The following MGMT variants were observed in gnomAD, a reference collection of about 807,000 sequenced individuals.
The protein encoded by MGMT is methylated-DNA--protein-cysteine methyltransferase.
MGMT carries 14 observed loss-of-function variants against 15.9 expected under a neutral mutation model. The observed-to-expected ratio is 0.88, with a 90% CI of 0.58 to 1.37. The LOEUF (loss-of-function observed/expected upper bound fraction) is 1.37, where lower values mean the gene tolerates loss of function less well. MGMT is among the 40% of genes most tolerant of loss of function. The pLI is 0.00. For synonymous variants in MGMT, 130 were observed against 118.2 expected (o/e 1.10, Z -0.65); for missense variants, 282 against 268.1 (o/e 1.05, Z -0.36).
chr10:129,740,473 A>G (rs1364417518), intron 3 of MGMT, among the ~76,000 whole-genome samples: 1 of 152,204 alleles, frequency 6.6e-6, no homozygotes, highest in Non-Finnish European at 1.5e-5. Context: ...CGGGAGAGTC[A>G]AGGGATAGAA....
chr10:129,605,578 T>A (rs758830814), intron 2 of MGMT, among the ~76,000 whole-genome samples: 3 of 151,232 alleles, frequency 2.0e-5, no homozygotes, highest in Non-Finnish European at 4.4e-5. Flanking sequence ...GGATCATATT[T>A]AAAAAAAAAC....
intron 1 of MGMT, among the ~76,000 whole-genome samples, chr10:129,468,159 G>C (rs754566373): frequency 1.1e-4 from 17 of 152,184 alleles, no homozygotes; most frequent in Non-Finnish European, 2.1e-4. Flanking sequence ...TAGAGTATCT[G>C]TTAAGTCAGG....
chr10:129,681,053 T>C (rs984784552), intron 2 of MGMT, among the ~76,000 whole-genome samples: 1 of 152,196 alleles, frequency 6.6e-6, no homozygotes, highest in Non-Finnish European at 1.5e-5. Flanking sequence ...GTGGCCCTGC[T>C]TTGTGTCCTG....
intron 1 of MGMT, among the ~76,000 whole-genome samples, chr10:129,493,990 T>A (rs1485178320): frequency 6.6e-6 from 1 of 152,220 alleles, no homozygotes; most frequent in East Asian, 1.9e-4. Context: ...CTCTTTAATA[T>A]CATTTTTGGA....
At chr10:129,758,630 T>C (rs1848834178) in intron 3 of MGMT, among the ~76,000 whole-genome samples, 1 of 152,168 alleles carries the variant, frequency 6.6e-6, no homozygotes, top group Non-Finnish European at 1.5e-5. Context: ...TTTGCAGCCC[T>C]ATTCACTAAA....
chr10:129,540,523 T>G (rs1171672165), intron 2 of MGMT, among the ~76,000 whole-genome samples: 1 of 152,264 alleles, frequency 6.6e-6, no homozygotes. Context: ...TCTTCCTCAC[T>G]GTGTGGAATT....
intron 2 of MGMT, among the ~76,000 whole-genome samples, chr10:129,644,560 C>A (rs763173011): frequency 2.6e-4 from 39 of 152,198 alleles, no homozygotes; most frequent in African/African-American, 9.2e-4. Flanking sequence ...GGGTTCCCCC[C>A]CTGAGGCCTG....
intron 2 of MGMT, chr10:129,701,273 G>C (rs1230057740): frequency 6.6e-6 from 1 of 152,204 alleles, no homozygotes; most frequent in Non-Finnish European, 1.5e-5. Flanking sequence ...TGGTCAGGTA[G>C]CATTCCCAGA....
At chr10:129,619,996 A>G (rs1189490130) in intron 2 of MGMT, among the ~76,000 whole-genome samples, 1 of 152,250 alleles carries the variant, frequency 6.6e-6, no homozygotes, top group Non-Finnish European at 1.5e-5. Flanking sequence ...GAAGAAAAGC[A>G]GATAGCAGGC....
At chr10:129,582,996 C>A (rs1846574439) in intron 2 of MGMT, among the ~76,000 whole-genome samples, 1 of 152,154 alleles carries the variant, frequency 6.6e-6, no homozygotes, top group South Asian at 2.1e-4. Context: ...TTTATTCTAT[C>A]TTCCCTAAAA....
chr10:129,745,169 G>A (rs996437895), intron 3 of MGMT, among the ~76,000 whole-genome samples: 1 of 152,102 alleles, frequency 6.6e-6, no homozygotes, highest in Non-Finnish European at 1.5e-5. Flanking sequence ...CTTGAACTTT[G>A]GGGAGAAAAC....
At chr10:129,555,233 C>T (rs1235111353) in intron 2 of MGMT, among the ~76,000 whole-genome samples, 1 of 152,220 alleles carries the variant, frequency 6.6e-6, no homozygotes, top group East Asian at 1.9e-4. Flanking sequence ...AGCCCTCGCA[C>T]TCCCAGGCTT....
At chr10:129,545,484 C>T (rs7088864) in intron 2 of MGMT, among the ~76,000 whole-genome samples, 6,957 of 152,232 alleles carry the variant, frequency 0.046, 549 homozygotes, top group African/African-American at 0.16. Flanking sequence ...GACATGAGCT[C>T]GCATACGTGC....
chr10:129,638,664 T>C (rs907523318), intron 2 of MGMT, among the ~76,000 whole-genome samples: 5 of 152,132 alleles, frequency 3.3e-5, no homozygotes, highest in African/African-American at 1.2e-4. Context: ...CAGAGTTTTA[T>C]ATGCAGCTAA....
At chr10:129,486,457 G>A (rs367610959) in intron 1 of MGMT, among the ~76,000 whole-genome samples, 1 of 152,094 alleles carries the variant, frequency 6.6e-6, no homozygotes, top group Non-Finnish European at 1.5e-5. Context: ...CAGAAGTGCT[G>A]GGATTACAGG....
intron 2 of MGMT, among the ~76,000 whole-genome samples, chr10:129,552,922 A>G (rs1483168846): frequency 1.3e-5 from 2 of 152,146 alleles, no homozygotes; most frequent in Non-Finnish European, 2.9e-5. Context: ...GCCCTTGTAT[A>G]TTACATGAAA....
intron 2 of MGMT, among the ~76,000 whole-genome samples, chr10:129,665,427 G>GT (rs1847648413): frequency 6.6e-6 from 1 of 151,676 alleles, no homozygotes; most frequent in African/African-American, 2.4e-5. Context: ...CTACCATGCA[G>GT]TTCAGATCAG....
At chr10:129,520,917 C>A (rs1022061972) in intron 1 of MGMT, among the ~76,000 whole-genome samples, 1 of 151,710 alleles carries the variant, frequency 6.6e-6, no homozygotes. Flanking sequence ...GCATACAGAA[C>A]CCCTACGGTG....
Position 129,739,687 on chromosome 10 carries a change from T to A in MGMT, c.275-19515T>A, listed in dbSNP as rs10741199. Among the ~76,000 whole-genome samples, 20 of 152,066 alleles carry A rather than the reference T, an allele frequency of 1.3e-4. No homozygotes were observed. In the South Asian group the frequency reaches 2.3e-3, roughly 17 times the overall value. On this transcript the variant is annotated intron_variant, in intron 3 of 4. Transcript: ENST00000651593. ...CCCCTATACCAAGCTTGTCCAATCC[T>A]CAGCCTGCGAGCCACCTGCAGCCCA...
Sources: gnomAD v4.1 joint callset for allele counts (sites outside exome capture counted in the v4.1 genomes callset) on GRCh38, gnomAD v4.1.1 for gene constraint, MANE v1.5 for transcripts, NCBI Gene and HGNC (gene_info 2026-07-23, HGNC 2026-07-21) for gene names.